IKBKB: variants seen among roughly 807,000 people sequenced by gnomAD.
IKBKB encodes inhibitor of nuclear factor kappa B kinase subunit beta, also known as inhibitor of nuclear factor kappa-B kinase subunit beta.
IKBKB carries 42 observed loss-of-function variants against 113.6 expected under a neutral mutation model. The observed-to-expected ratio is 0.37, with a 90% CI of 0.29 to 0.48. IKBKB has a LOEUF of 0.48. Ranked by LOEUF, IKBKB falls within the 20% of genes least tolerant of loss-of-function variation. IKBKB has a pLI of 0.99. For missense variants in IKBKB, 673 were observed against 939.7 expected (o/e 0.72, Z 3.71); for synonymous variants, 296 against 361.3 (o/e 0.82, Z 2.05).
chr8:42,274,848 G>A (rs1227495203), intron 2 of IKBKB, among the ~76,000 whole-genome samples: 8 of 128,592 alleles, frequency 6.2e-5, no homozygotes, highest in Admixed American at 4.2e-4. Flanking sequence ...GGGAACTACC[G>A]AGCCTGGACG....
chr8:42,290,295 G>C (rs1189288682), intron 4 of IKBKB, 22 bp downstream of exon 4: 1 of 1,527,492 alleles, frequency 6.5e-7, no homozygotes, highest in African/African-American at 1.4e-5. Context: ...ACGGCTGCCA[G>C]GTGCACAGCC....
intron 2 of IKBKB, among the ~76,000 whole-genome samples, chr8:42,279,985 A>T (rs1194285397): frequency 6.6e-6 from 1 of 152,068 alleles, no homozygotes; most frequent in Non-Finnish European, 1.5e-5. Flanking sequence ...AGTAGCTGGG[A>T]CTACAGGCGT....
rs542359827 is a variant in IKBKB at position 42,285,743 on chromosome 8, ACAGACGTAAGCCTGTGG to A, written c.106-2889_106-2873del. On this transcript the variant is annotated intron_variant, in intron 2 of 21. Coordinates refer to ENST00000520810, the MANE Select transcript of IKBKB (RefSeq NM_001556.3). Reference sequence around the variant, plus strand: ...TGGACTGAGGGGGTCTCCCATAGTCACAGACGTAAGCCTGTGGCTGCACCATGGGTGAGCCTTGGAAA... The same window carrying A: ...TGGACTGAGGGGGTCTCCCATAGTCACTGCACCATGGGTGAGCCTTGGAAA... Among the ~76,000 whole-genome samples, 27 of 152,352 alleles carry A rather than the reference ACAGACGTAAGCCTGTGG, an allele frequency of 1.8e-4. 1 individual carries two copies. The South Asian group carries it at 4.1e-3, about 23-fold the overall frequency.
chr8:42,323,369 G>A (rs576868703), intron 19 of IKBKB, among the ~76,000 whole-genome samples: 4 of 152,344 alleles, frequency 2.6e-5, no homozygotes, highest in South Asian at 2.1e-4. Flanking sequence ...TGTGCACACC[G>A]TCTTAACGTA....
chr8:42,298,853 C>T (rs1249939056), intron 5 of IKBKB, among the ~76,000 whole-genome samples: 6 of 152,148 alleles, frequency 3.9e-5, no homozygotes, highest in African/African-American at 1.2e-4. Flanking sequence ...CTCTGACATC[C>T]GCCAGCTGGT....
intron 5 of IKBKB, among the ~76,000 whole-genome samples, chr8:42,304,583 C>T (rs1301962604): frequency 2.0e-5 from 3 of 152,194 alleles, no homozygotes; most frequent in African/African-American, 7.2e-5. Flanking sequence ...TGTAGTAAGT[C>T]TGTGTAGGGC....
chr8:42,297,144 T>C (rs921912100), intron 5 of IKBKB, among the ~76,000 whole-genome samples: 83 of 152,222 alleles, frequency 5.5e-4, no homozygotes, highest in African/African-American at 2.0e-3. Flanking sequence ...TTGGGTGCAG[T>C]GCAGCCCCGG....
At chr8:42,281,074 A>G (rs575041657) in intron 2 of IKBKB, among the ~76,000 whole-genome samples, 41 of 152,326 alleles carry the variant, frequency 2.7e-4, no homozygotes, top group Middle Eastern at 3.4e-3. Context: ...ACCGAACTGC[A>G]TGGATAACAG....
intron 8 of IKBKB, among the ~76,000 whole-genome samples, chr8:42,310,796 A>T (rs1817560635): frequency 6.6e-6 from 1 of 152,250 alleles, no homozygotes; most frequent in Admixed American, 6.5e-5. Flanking sequence ...AAACAAAAAT[A>T]GGTTACTATA....
At chr8:42,278,734 G>A (rs1010814619) in intron 2 of IKBKB, among the ~76,000 whole-genome samples, 4 of 152,122 alleles carry the variant, frequency 2.6e-5, no homozygotes, top group Non-Finnish European at 5.9e-5. Flanking sequence ...AGTGGCTCAT[G>A]CCTGTAATCC....
chr8:42,309,927 GAT>G (rs1301017757), intron 8 of IKBKB, among the ~76,000 whole-genome samples: 1 of 152,050 alleles, frequency 6.6e-6, no homozygotes, highest in Non-Finnish European at 1.5e-5. Context: ...CATTGTGCAG[GAT>G]ATGTTTATAT....
At chr8:42,295,646 C>G (rs1017120397) in intron 5 of IKBKB, among the ~76,000 whole-genome samples, 1 of 152,070 alleles carries the variant, frequency 6.6e-6, no homozygotes, top group African/African-American at 2.4e-5. Context: ...ACTGCTTGAA[C>G]CCAGGAGGCG....
intron 7 of IKBKB, among the ~76,000 whole-genome samples, chr8:42,307,625 G>A (rs527805583): frequency 5.9e-5 from 9 of 152,280 alleles, no homozygotes; most frequent in African/African-American, 2.2e-4. Context: ...GGAGTCTGCG[G>A]CTTTCAGAGT....
In IKBKB at chr8:42,329,152, C is replaced by T. The variant is rs1201288179; in HGVS notation, c.2143C>T (p.Leu715Phe). The T allele has an allele frequency of 2.5e-6, 4 of 1,605,236 alleles. No individual in the cohort carries two copies. In the East Asian group the frequency reaches 6.8e-5, roughly 27 times the overall value. Residue 715 changes from leucine to phenylalanine, a missense_variant, in exon 21 of 22, where the codon CTC becomes TTC. By Grantham distance (22) the Leu-to-Phe change is conservative (BLOSUM62 0). Coordinates refer to ENST00000520810, the MANE Select transcript of IKBKB (RefSeq NM_001556.3). ...AGAACTGGTGGCTGAAGCACATAAC[C>T]TCTGCACCCTGCTAGAAAATGCCAT... ...SEELVAEAHNLCTLLENAIQD... is the reference protein window; with the variant it reads ...SEELVAEAHNFCTLLENAIQD...
In IKBKB at chr8:42,319,496, C is replaced by T. The variant is rs765100160; in HGVS notation, c.1516+75C>T. The T allele has an allele frequency of 8.1e-6, 13 of 1,596,428 alleles. No homozygotes were observed. The South Asian group carries it at 1.5e-4, about 18-fold the overall frequency. On this transcript the variant is annotated intron_variant, in intron 14 of 21. Coordinates refer to ENST00000520810, the MANE Select transcript of IKBKB (RefSeq NM_001556.3). ...TTCTCTTTCTAAGGTTTCTTTTGTC[C>T]TATTATAATTGAGTTGCTTATTTCT... is the stretch of plus-strand genomic sequence containing the variant.
intron 4 of IKBKB, among the ~76,000 whole-genome samples, chr8:42,292,481 T>A (rs1227072247): frequency 6.6e-6 from 1 of 152,184 alleles, no homozygotes; most frequent in East Asian, 1.9e-4. Flanking sequence ...AGTGTCTTGT[T>A]ATGTGTTGTT....
At chr8:42,306,182 C>T (rs1816488290) in intron 6 of IKBKB, among the ~76,000 whole-genome samples, 161 bp from the exon 7 acceptor site, 2 of 152,164 alleles carry the variant, frequency 1.3e-5, no homozygotes, top group Admixed American at 6.5e-5. Flanking sequence ...TCTACCGTGT[C>T]GAGGGCATTC....
chr8:42,274,795 C>A lies in IKBKB; in HGVS notation c.105+2590C>A, dbSNP rs866294721. Among the ~76,000 whole-genome samples the A allele has an allele frequency of 2.5e-4, 21 of 85,072 alleles. 3 individuals carry two copies. The East Asian group carries it at 5.1e-3, about 20-fold the overall frequency. The allele number at this position is 85,072 out of a possible 152,430, so 55.8% of individuals were successfully genotyped here. A position where few individuals can be genotyped will look rare whatever the true frequency, so the allele number is the denominator to read the frequency against. Reference sequence around the variant, plus strand: ...TGATCCCCGCCGGCGCGCCCCCCCCCCCCCCCGCCATCCCAGCCTCCCAAA... The same window carrying A: ...TGATCCCCGCCGGCGCGCCCCCCCCACCCCCCGCCATCCCAGCCTCCCAAA... On this transcript the variant is annotated intron_variant, in intron 2 of 21. Coordinates refer to ENST00000520810, the MANE Select transcript of IKBKB (RefSeq NM_001556.3).
intron 8 of IKBKB, chr8:42,309,327 G>A (rs754423697): frequency 9.2e-6 from 4 of 436,702 alleles, no homozygotes; most frequent in South Asian, 2.4e-5. Context: ...ATGAATATAC[G>A]CACTTACACT....
Sources: allele counts gnomAD v4.1 joint callset (sites outside exome capture counted in the v4.1 genomes callset), GRCh38; gene constraint gnomAD v4.1.1; transcripts MANE v1.5; gene names NCBI Gene and HGNC (gene_info 2026-07-23, HGNC 2026-07-21).